Variants in BTBD1 observed in about 807,000 individuals in gnomAD.
BTBD1 encodes the protein BTB domain containing 1.
BTBD1 carries 34 observed loss-of-function variants against 48.0 expected under a neutral mutation model. The observed-to-expected ratio is 0.71, with a 90% CI of 0.54 to 0.94. BTBD1 has a LOEUF of 0.94. BTBD1 is among the 40% of genes least tolerant of loss of function. The pLI is 0.00. For missense variants in BTBD1, 543 were observed against 625.6 expected (o/e 0.87, Z 1.41); for synonymous variants, 261 against 242.1 (o/e 1.08, Z -0.72).
chr15:83,024,408 G>A (rs190451231), intron 5 of BTBD1: 1 of 152,216 alleles, frequency 6.6e-6, no homozygotes, highest in East Asian at 1.9e-4. Flanking sequence ...TAACTTTATG[G>A]TGATTTTGTA....
chr15:83,067,136 G>T lies in BTBD1; in HGVS notation c.16C>A (p.Pro6Thr), dbSNP rs2151317581. The T allele has an allele frequency of 7.0e-7, 1 of 1,437,746 alleles. No individual in the cohort carries two copies. The highest frequency in any genetic ancestry group is 1.5e-5 in the African/African-American group (1 of 67,104). 89.1% of individuals were successfully genotyped at this position (1,437,746 alleles called of 1,614,324 possible). A position where few individuals can be genotyped will look rare whatever the true frequency, so the allele number is the denominator to read the frequency against. The change falls in exon 1 of 8, where the codon CCT becomes ACT. Residue 6 changes from proline (P) to threonine (T), a missense_variant. By Grantham distance (38) the Pro-to-Thr change is conservative (BLOSUM62 -1). Coordinates refer to ENST00000261721, the MANE Select transcript of BTBD1 (RefSeq NM_025238.4). ...GACGCCTGCTCCCCAGCTGCGGCAGGCCCGAGTGAGGCCATCCTCCAGCTG... is the reference window on the plus strand; with the variant it reads ...GACGCCTGCTCCCCAGCTGCGGCAGTCCCGAGTGAGGCCATCCTCCAGCTG... MASLG[P>T]AAAGEQASGA...
intron 4 of BTBD1, among the ~76,000 whole-genome samples, chr15:83,041,168 G>GAAAAAAAAAA (rs542048466): frequency 9.5e-6 from 1 of 104,850 alleles, no homozygotes; most frequent in Non-Finnish European, 2.0e-5. Flanking sequence ...AGAAAAAAAA[G>GAAAAAAAAAA]AAAAAAAAAA....
intron 1 of BTBD1, among the ~76,000 whole-genome samples, chr15:83,058,721 G>C (rs1388689793): frequency 6.6e-6 from 1 of 152,152 alleles, no homozygotes; most frequent in Admixed American, 6.5e-5. Flanking sequence ...AATTACTAGA[G>C]TTGTAAAACA....
chr15:83,056,949 G>C (rs2033097785), intron 1 of BTBD1, among the ~76,000 whole-genome samples: 1 of 152,048 alleles, frequency 6.6e-6, no homozygotes, highest in South Asian at 2.1e-4. Context: ...TCCCACCTCA[G>C]CCTCAACTGT....
At chr15:83,060,639 C>G (rs2033161682) in intron 1 of BTBD1, among the ~76,000 whole-genome samples, 1 of 151,838 alleles carries the variant, frequency 6.6e-6, no homozygotes, top group Non-Finnish European at 1.5e-5. Flanking sequence ...ACTAAAAATA[C>G]AAAAATTAGC....
chr15:83,018,910 G>A (rs976284902), intron 6 of BTBD1, 57 bp from the exon 7 acceptor site: 88 of 1,339,444 alleles, frequency 6.6e-5, no homozygotes, highest in Admixed American at 1.4e-4. Context: ...GCAAACTATA[G>A]AAAATAATAT....
intron 1 of BTBD1, among the ~76,000 whole-genome samples, chr15:83,060,996 C>T (rs958958777): frequency 6.6e-6 from 1 of 152,086 alleles, no homozygotes; most frequent in Non-Finnish European, 1.5e-5. Context: ...GATAGCTTTG[C>T]CCATAAAAAC....
intron 1 of BTBD1, among the ~76,000 whole-genome samples, chr15:83,062,255 C>T (rs992442688): frequency 7.2e-5 from 11 of 152,048 alleles, no homozygotes; most frequent in Non-Finnish European, 1.5e-4. Context: ...TCACTGTTAA[C>T]AGGATGAATG....
Position 83,067,044 on chromosome 15 carries a change from G to C in BTBD1, c.108C>G (p.Pro36=). 6.3e-7 allele frequency: 1 copy of C among 1,580,828 alleles called. No individual in the cohort carries two copies. The highest frequency in any genetic ancestry group is 8.6e-7 in the Non-Finnish European group (1 of 1,166,078). The change falls in exon 1 of 8, where the codon CCC becomes CCG. Residue 36 remains proline (P), a synonymous_variant. Transcript: ENST00000261721. The part of the protein sequence containing the change: ...PPPPSPSSLG[P]LLPLQREPLY... ...GAGGTTCCCGCTGCAGGGGGAGCAG[G>C]GGCCCCAGAGAGGACGGTGAGGGCG...
At chr15:83,051,877 T>TATACACACACACACACACACACACACAC (rs1555441191) in intron 2 of BTBD1, among the ~76,000 whole-genome samples, 1 of 138,816 alleles carries the variant, frequency 7.2e-6, no homozygotes, top group African/African-American at 2.8e-5. Context: ...TCCATATATA[T>TATACACACACACACACACACACACACAC]ACACACACAC....
At chr15:83,021,113 A>T (rs1474308989) in intron 5 of BTBD1, among the ~76,000 whole-genome samples, 1 of 152,258 alleles carries the variant, frequency 6.6e-6, no homozygotes, top group East Asian at 1.9e-4. Context: ...AAACTACGAC[A>T]ATTATCAATT....
At chr15:83,028,612 T>G (rs1371082442) in intron 5 of BTBD1, 1 of 152,134 alleles carries the variant, frequency 6.6e-6, no homozygotes, top group Non-Finnish European at 1.5e-5. Flanking sequence ...TTGACAAAAC[T>G]CACCTGTAAA....
intron 1 of BTBD1, 81 bp from the exon 2 acceptor site, chr15:83,056,626 G>T: frequency 1.7e-6 from 2 of 1,208,286 alleles, no homozygotes; most frequent in Non-Finnish European, 2.4e-6. Flanking sequence ...TTTCTGAGGA[G>T]TATTTACTTA....
intron 1 of BTBD1, among the ~76,000 whole-genome samples, chr15:83,065,995 CA>C (rs2033261837): frequency 6.6e-6 from 1 of 151,970 alleles, no homozygotes; most frequent in African/African-American, 2.4e-5. Flanking sequence ...AAAACAAAAA[CA>C]AAAACAAAAA....
chr15:83,048,651 T>C (rs1352527565), intron 3 of BTBD1, among the ~76,000 whole-genome samples: 4 of 152,170 alleles, frequency 2.6e-5, no homozygotes, highest in Non-Finnish European at 5.9e-5. Context: ...ACGTATGGGT[T>C]CTTGGAAACT....
chr15:83,053,832 A>G (rs1054636549), intron 2 of BTBD1, among the ~76,000 whole-genome samples: 1 of 152,222 alleles, frequency 6.6e-6, no homozygotes, highest in African/African-American at 2.4e-5. Context: ...CACCTCATAA[A>G]GTTATTGTGA....
In BTBD1 at chr15:83,067,094, G is replaced by C. The variant is rs1788279903; in HGVS notation, c.58C>G (p.Pro20Ala). Residue 20 changes from proline (P) to alanine (A), a missense_variant, in exon 1 of 8, where the codon CCG becomes GCG. This residue lies in a region of BTBD1 where 173 missense variants were observed against 163.9 expected (regional missense o/e 1.06). Transcript: ENST00000261721. Reference protein sequence around the residue: ...GEQASGAEAEPGPAGPPPPPS... With the variant: ...GEQASGAEAEAGPAGPPPPPS... ...GGCGGCGGCGGCCCCGCGGGGCCCG[G>C]CTCCGCCTCAGCCCCCGACGCCTGC... The C allele has an allele frequency of 6.6e-6, 10 of 1,512,732 alleles. No individual in the cohort carries two copies. Among genetic ancestry groups the C allele is most frequent in the Non-Finnish European group, 7.9e-6 (9 of 1,137,398 alleles). The allele number at this position is 1,512,732 out of a possible 1,614,324, so 93.7% of individuals were successfully genotyped here. A position where few individuals can be genotyped will look rare whatever the true frequency, so the allele number is the denominator to read the frequency against.
chr15:83,051,738 A>C (rs1233066892), intron 2 of BTBD1, among the ~76,000 whole-genome samples: 1 of 151,868 alleles, frequency 6.6e-6, no homozygotes, highest in African/African-American at 2.4e-5. Flanking sequence ...TTTTGTTTAG[A>C]CACACAAATA....
At chr15:83,034,639 A>G (rs1312631963) in intron 4 of BTBD1, among the ~76,000 whole-genome samples, 1 of 152,072 alleles carries the variant, frequency 6.6e-6, no homozygotes, top group Non-Finnish European at 1.5e-5. Flanking sequence ...ACAAAAACCC[A>G]CAATAAGTTT....
Sources: allele counts gnomAD v4.1 joint callset (sites outside exome capture counted in the v4.1 genomes callset), GRCh38; gene constraint gnomAD v4.1.1; regional missense constraint gnomAD v4.1.1; transcripts MANE v1.5; gene names NCBI Gene and HGNC (gene_info 2026-07-23, HGNC 2026-07-21).